The following VPS13B variants were observed in gnomAD, a reference collection of about 807,000 sequenced individuals.
VPS13B encodes vacuolar protein sorting 13 homolog B.
In VPS13B, 285 loss-of-function variants were observed where a neutral mutation model predicts 426.4. That is an observed-to-expected ratio of 0.67 (90% confidence interval 0.61 to 0.74). The LOEUF (loss-of-function observed/expected upper bound fraction) is 0.74. VPS13B is among the 30% of genes least tolerant of loss of function. The probability of loss-of-function intolerance (pLI) is 0.00; values close to 1 mark genes in which losing one functional copy is unlikely to be tolerated. For synonymous variants in VPS13B, 1,676 were observed against 1,676.4 expected (o/e 1.00, Z 0.01); for missense variants, 4,537 against 4,782.6 (o/e 0.95, Z 1.51).
At chr8:99,026,526 A>G (rs1242919404) in intron 2 of VPS13B, among the ~76,000 whole-genome samples, 1 of 152,170 alleles carries the variant, frequency 6.6e-6, no homozygotes, top group Non-Finnish European at 1.5e-5. Context: ...GATCTGTTCA[A>G]TGCTATGAGT....
intron 3 of VPS13B, among the ~76,000 whole-genome samples, chr8:99,078,137 C>T (rs189586708): frequency 2.4e-4 from 37 of 151,340 alleles, no homozygotes; most frequent in African/African-American, 8.2e-4. Flanking sequence ...TGAGGCTCTT[C>T]GTTATCATTT....
chr8:99,863,087 C>T lies in VPS13B; in HGVS notation c.11215+1141C>T, dbSNP rs73703023. 2.5e-3 allele frequency among the ~76,000 whole-genome samples: 383 copies of T among 152,260 alleles called. 4 individuals carry two copies. Among genetic ancestry groups the T allele is most frequent in the African/African-American group, 8.9e-3 (370 of 41,514 alleles). On this transcript the variant is annotated intron_variant, in intron 58 of 61. Transcript: ENST00000357162. Reference sequence around the variant, plus strand: ...GGGTGTTCAAGTCCTTTCTTTGTGACCTCAGGCAAGTTCTCCTCTGAACCT... The same window carrying T: ...GGGTGTTCAAGTCCTTTCTTTGTGATCTCAGGCAAGTTCTCCTCTGAACCT...
intron 54 of VPS13B, among the ~76,000 whole-genome samples, chr8:99,847,134 A>C (rs979333391): frequency 2.0e-5 from 3 of 152,214 alleles, no homozygotes; most frequent in Non-Finnish European, 4.4e-5. Flanking sequence ...TTATTCTCAA[A>C]TTTTATTGTA....
At chr8:99,221,571 T>A (rs1299187067) in intron 17 of VPS13B, among the ~76,000 whole-genome samples, 1 of 152,228 alleles carries the variant, frequency 6.6e-6, no homozygotes, top group Non-Finnish European at 1.5e-5. Context: ...AAAACATACA[T>A]CTAAATGACT....
chr8:99,324,268 T>G (rs1341607142), intron 19 of VPS13B, among the ~76,000 whole-genome samples: 1 of 152,190 alleles, frequency 6.6e-6, no homozygotes, highest in East Asian at 1.9e-4. Flanking sequence ...AGTAAATAAT[T>G]GTTGGGTACC....
intron 8 of VPS13B, among the ~76,000 whole-genome samples, chr8:99,123,392 G>A (rs1848045394): frequency 6.8e-6 from 1 of 147,218 alleles, no homozygotes; most frequent in Non-Finnish European, 1.5e-5. Flanking sequence ...GAGATATCAT[G>A]AATGAATGTG....
intron 25 of VPS13B, 125 bp from the exon 26 acceptor site, chr8:99,501,562 T>G: frequency 2.2e-6 from 2 of 919,582 alleles, no homozygotes; most frequent in South Asian, 3.2e-5. Flanking sequence ...ATTTATATGA[T>G]TATCATTTGC....
chr8:99,297,601 C>T lies in VPS13B; in HGVS notation c.2824+22347C>T, dbSNP rs528093667. On this transcript the variant is annotated intron_variant, in intron 19 of 61. Transcript: ENST00000357162. ...TGTCATTTTACTGTTCTGATAAATG[C>T]ATAATGCAAAAATTCCCATGGAAAG... 1.0e-3 allele frequency among the ~76,000 whole-genome samples: 156 copies of T among 152,136 alleles called. 1 individual carries two copies. Among genetic ancestry groups the T allele is most frequent in the Non-Finnish European group, 2.1e-3 (141 of 68,006 alleles).
intron 42 of VPS13B, among the ~76,000 whole-genome samples, chr8:99,780,856 G>C (rs1208221971): frequency 6.6e-6 from 1 of 152,064 alleles, no homozygotes; most frequent in Admixed American, 6.5e-5. Flanking sequence ...GCTTACAAAG[G>C]GTTATTGAGT....
intron 19 of VPS13B, chr8:99,340,269 A>G (rs1275815525): frequency 4.1e-6 from 1 of 242,970 alleles, no homozygotes; most frequent in African/African-American, 2.3e-5. Context: ...GTGCAGAGCT[A>G]GATGGAGGAG....
intron 36 of VPS13B, among the ~76,000 whole-genome samples, chr8:99,706,850 T>C (rs773758999): frequency 3.9e-5 from 6 of 152,088 alleles, no homozygotes; most frequent in Non-Finnish European, 8.8e-5. Context: ...AATAAAAGAT[T>C]AGAAGTAAAT....
At position 99,832,450 on chromosome 8, in the gene VPS13B, T is replaced by C; in HGVS notation, c.9412T>C (p.Cys3138Arg). 1 of 1,609,340 alleles carries C rather than the reference T, an allele frequency of 6.2e-7. No individual in the cohort carries two copies. Among genetic ancestry groups the C allele is most frequent in the Non-Finnish European group, 8.5e-7 (1 of 1,178,392 alleles). The change falls in exon 52 of 62, where the codon TGC (cysteine) becomes CGC (arginine). Residue 3138 changes from cysteine to arginine, a missense_variant. Coordinates refer to ENST00000357162, the MANE Select transcript of VPS13B (RefSeq NM_152564.5). ...QPAMKSSSLP[C>R]WDLMPDISQS... ...TGCTATGAAATCCAGCTCCCTTCCT[T>C]GCTGGGACTTGATGCCTGACATCAG...
chr8:99,864,522 C>G (rs1214809051), intron 58 of VPS13B, among the ~76,000 whole-genome samples: 1 of 152,146 alleles, frequency 6.6e-6, no homozygotes, highest in Non-Finnish European at 1.5e-5. Context: ...CCACTGCACT[C>G]CAGCCTGGTG....
chr8:99,192,857 T>C lies in VPS13B; in HGVS notation c.2334-19T>C, dbSNP rs911409289. ...AATGCTATTTACTGTATTGCGATTCTTTCTGTTTTCTTGTGCAGGACCAAA... is the reference window on the plus strand; with the variant it reads ...AATGCTATTTACTGTATTGCGATTCCTTCTGTTTTCTTGTGCAGGACCAAA... On this transcript the variant is annotated intron_variant, in intron 16 of 61. Transcript: ENST00000357162. 1 of 1,611,814 alleles carries C rather than the reference T, an allele frequency of 6.2e-7. No homozygotes were observed. The highest frequency in any genetic ancestry group is 8.5e-7 in the Non-Finnish European group (1 of 1,179,594).
intron 43 of VPS13B, among the ~76,000 whole-genome samples, chr8:99,785,529 A>G (rs1449008100): frequency 1.3e-5 from 2 of 152,168 alleles, no homozygotes; most frequent in Non-Finnish European, 2.9e-5. Context: ...TCTGTTTTTC[A>G]TAAAAATTTT....
intron 56 of VPS13B, among the ~76,000 whole-genome samples, chr8:99,856,085 C>T (rs925263288): frequency 2.0e-5 from 3 of 152,236 alleles, no homozygotes; most frequent in African/African-American, 7.2e-5. Context: ...ACCTGTGGCA[C>T]CAAGTAACGG....
chr8:99,098,706 G>A (rs747923706), intron 4 of VPS13B, among the ~76,000 whole-genome samples: 1 of 151,974 alleles, frequency 6.6e-6, no homozygotes, highest in Non-Finnish European at 1.5e-5. Context: ...TTACTCTGTG[G>A]AAAGTTTGTA....
chr8:99,560,447 T>C (rs928685410), intron 31 of VPS13B, among the ~76,000 whole-genome samples: 7 of 152,192 alleles, frequency 4.6e-5, no homozygotes, highest in African/African-American at 1.7e-4. Flanking sequence ...TTATTCTAAT[T>C]ACTTATATAA....
intron 19 of VPS13B, among the ~76,000 whole-genome samples, chr8:99,357,631 C>T (rs985667499): frequency 1.3e-5 from 2 of 152,006 alleles, no homozygotes; most frequent in Non-Finnish European, 2.9e-5. Flanking sequence ...GTGATGTGTT[C>T]AGTGGTATAC....
Sources: allele counts gnomAD v4.1 joint callset (sites outside exome capture counted in the v4.1 genomes callset), GRCh38; gene constraint gnomAD v4.1.1; transcripts MANE v1.5; gene names NCBI Gene and HGNC (gene_info 2026-07-23, HGNC 2026-07-21).